SCN10A: variants seen among roughly 807,000 people sequenced by gnomAD.
The protein encoded by SCN10A is sodium voltage-gated channel alpha subunit 10, also known as sodium channel protein type 10 subunit alpha.
Under a neutral mutation model 170.7 loss-of-function variants are expected in SCN10A, and 162 were observed. The observed-to-expected ratio is 0.95, with a 90% CI of 0.84 to 1.08. SCN10A has a LOEUF of 1.08. Ranked by LOEUF, SCN10A falls within the 50% of genes least tolerant of loss-of-function variation. SCN10A has a pLI of 0.00. For synonymous variants in SCN10A, 985 were observed against 904.6 expected, an observed-to-expected ratio of 1.09 and a Z score of -1.59; for missense variants, 2,527 against 2,436.9, an observed-to-expected ratio of 1.04 and a Z score of -0.78.
rs1370845738 is a variant in SCN10A at position 38,709,487 on chromosome 3, C to T, written c.4272G>A (p.Gln1424=). Residue 1424 remains glutamine, a synonymous_variant, in exon 25 of 28, where the codon CAG becomes CAA. Transcript: ENST00000449082. ...CCTGAGCACCACTTATCTTTTTTTT[C>T]TGTTGATTGAAGTTGTCAATTATGA... The part of the protein sequence containing the change: ...VGVIIDNFNQ[Q]KKKLGGQDIF... 7.5e-6 allele frequency: 12 copies of T among 1,602,472 alleles called. No homozygotes were observed. The highest frequency in any genetic ancestry group is 3.5e-5 in the Admixed American group (2 of 56,760).
At position 38,697,823 on chromosome 3, in the gene SCN10A, G is replaced by T; in HGVS notation, c.5397C>A (p.His1799Gln). 1 of 1,614,198 alleles carries T rather than the reference G, an allele frequency of 6.2e-7. No individual in the cohort carries two copies. The highest frequency in any genetic ancestry group is 8.5e-7 in the Non-Finnish European group (1 of 1,180,032). ...DLPLVPGDKI[H>Q]CLDILFAFTK... ...TGAAAGCAAAAAGGATGTCCAAGCA[G>T]TGGATCTTATCTCCAGGGACCAAAG... The change falls in exon 28 of 28, where the codon CAC becomes CAA. Residue 1799 changes from histidine to glutamine, a missense_variant. His to Gln is a conservative substitution (Grantham distance 24). Coordinates refer to ENST00000449082, the MANE Select transcript of SCN10A (RefSeq NM_006514.4).
At position 38,739,542 on chromosome 3, in the gene SCN10A, G is replaced by A. The variant is rs1335768886; in HGVS notation, c.2253C>T (p.Ser751=). 3 of 1,613,942 alleles carry A rather than the reference G, an allele frequency of 1.9e-6. No individual in the cohort carries two copies. Among genetic ancestry groups the A allele is most frequent in the Non-Finnish European group, 2.5e-6 (3 of 1,180,008 alleles). The change falls in exon 15 of 28, where the codon AGC becomes AGT. Residue 751 remains serine (S), a synonymous_variant. Coordinates refer to ENST00000449082, the MANE Select transcript of SCN10A (RefSeq NM_006514.4). ...AGCGGAAGCTCCGCAGCACAGACAG[G>A]CTTCCCTTCTTGGCCACGCCCAGCT... ...LLELGVAKKG[S]LSVLRSFRLL...
intron 1 of SCN10A, among the ~76,000 whole-genome samples, chr3:38,811,211 G>A (rs2064439133): frequency 1.3e-5 from 2 of 152,132 alleles, no homozygotes; most frequent in African/African-American, 2.4e-5. Context: ...CCAGCACTTT[G>A]GGAGGCCAAG....
At chr3:38,812,440 G>C (rs995365052) in intron 1 of SCN10A, among the ~76,000 whole-genome samples, 13 of 152,062 alleles carry the variant, frequency 8.5e-5, no homozygotes, top group African/African-American at 3.1e-4. Context: ...GGTAGTACTG[G>C]TGATTTTTTT....
At chr3:38,752,708 G>C (rs1213442464) in intron 11 of SCN10A, among the ~76,000 whole-genome samples, 196 bp from the exon 12 acceptor site, 1 of 152,200 alleles carries the variant, frequency 6.6e-6, no homozygotes, top group Admixed American at 6.5e-5. Flanking sequence ...ACTCTAGATA[G>C]ACTCCGGGAA....
intron 1 of SCN10A, among the ~76,000 whole-genome samples, chr3:38,807,693 C>A (rs1176209777): frequency 6.6e-6 from 1 of 152,130 alleles, no homozygotes; most frequent in Non-Finnish European, 1.5e-5. Context: ...CCAGTCAAAC[C>A]TCTTTTCTGT....
At chr3:38,756,087 G>T (rs2063801502) in intron 10 of SCN10A, 129 bp from the exon 11 acceptor site, 2 of 979,934 alleles carry the variant, frequency 2.0e-6, no homozygotes, top group Non-Finnish European at 3.1e-6. Context: ...GGACCAGGGT[G>T]GTGGTGGGAT....
intron 1 of SCN10A, among the ~76,000 whole-genome samples, chr3:38,807,758 T>C (rs2064414757): frequency 6.6e-6 from 1 of 152,174 alleles, no homozygotes; most frequent in Admixed American, 6.6e-5. Context: ...TATAAATTGG[T>C]TGCTTCTTTT....
At chr3:38,792,225 A>C in intron 2 of SCN10A, 57 bp from the exon 3 acceptor site, 1 of 1,596,688 alleles carries the variant, frequency 6.3e-7, no homozygotes, top group Non-Finnish European at 8.5e-7. Context: ...TTCCTTATAC[A>C]ACCATGTTTT....
At chr3:38,785,217 C>T (rs996155077) in intron 4 of SCN10A, among the ~76,000 whole-genome samples, 1 of 152,150 alleles carries the variant, frequency 6.6e-6, no homozygotes, top group Non-Finnish European at 1.5e-5. Flanking sequence ...CATCACGCTA[C>T]CTGACTTCAA....
intron 15 of SCN10A, among the ~76,000 whole-genome samples, chr3:38,730,978 G>A (rs886605923): frequency 3.3e-5 from 5 of 152,128 alleles, no homozygotes; most frequent in Non-Finnish European, 7.4e-5. Context: ...GAACTTTCCA[G>A]AATTGAAGAA....
At chr3:38,755,086 T>C (rs2063789246) in intron 11 of SCN10A, among the ~76,000 whole-genome samples, 1 of 152,018 alleles carries the variant, frequency 6.6e-6, no homozygotes, top group African/African-American at 2.4e-5. Flanking sequence ...CTACAGGGTC[T>C]GAGGTGAGGT....
intron 1 of SCN10A, among the ~76,000 whole-genome samples, chr3:38,812,095 C>G (rs1054599523): frequency 7.9e-5 from 12 of 152,230 alleles, no homozygotes; most frequent in African/African-American, 2.7e-4. Flanking sequence ...CTATGACCAT[C>G]CACCAAGGCA....
At chr3:38,788,127 T>C (rs1022762383) in intron 4 of SCN10A, among the ~76,000 whole-genome samples, 2 of 150,036 alleles carry the variant, frequency 1.3e-5, no homozygotes, top group African/African-American at 4.9e-5. Flanking sequence ...TTAGCATCAA[T>C]TAAGAAGACT....
intron 19 of SCN10A, 79 bp from the exon 20 acceptor site, chr3:38,722,491 A>G: frequency 1.3e-6 from 2 of 1,499,066 alleles, no homozygotes; most frequent in Non-Finnish European, 1.8e-6. Context: ...CAGAGAAACC[A>G]TTCTGCTAGG....
At chr3:38,743,249 CCTGGTATT>C (rs138809523) in intron 13 of SCN10A, among the ~76,000 whole-genome samples, 13,847 of 152,190 alleles carry the variant, frequency 0.091, 1,095 homozygotes, top group African/African-American at 0.2. Flanking sequence ...TGCAAGTCCA[CCTGGTATT>C]CTGTCTTCGT....
At chr3:38,788,302 A>C (rs371161866) in intron 4 of SCN10A, among the ~76,000 whole-genome samples, 1 of 151,782 alleles carries the variant, frequency 6.6e-6, no homozygotes, top group South Asian at 2.1e-4. Flanking sequence ...CTGGAGTGGA[A>C]GCATCCCTCC....
intron 1 of SCN10A, among the ~76,000 whole-genome samples, chr3:38,797,531 T>G (rs185545394): frequency 9.8e-5 from 15 of 152,304 alleles, no homozygotes; most frequent in African/African-American, 3.6e-4. Flanking sequence ...AACTTAGAAG[T>G]TCTATGTGTT....
rs751196812 is a variant in SCN10A, at chr3:38,761,331, A to C, written c.744T>G (p.Asp248Glu). Residue 248 changes from aspartate to glutamate, a missense_variant, in exon 7 of 28, where the codon GAT becomes GAG. Transcript: ENST00000449082. ...ALIHSVKKLA[D>E]VTILTIFCLS... The stretch of plus-strand genomic sequence containing the variant: ...GGCAGAAGATGGTGAGGATGGTCAC[A>C]TCAGCCAGTTTCTTCACTGAGTGAA... The C allele has an allele frequency of 6.2e-7, 1 of 1,613,948 alleles. No individual in the cohort carries two copies. Among genetic ancestry groups the C allele is most frequent in the Non-Finnish European group, 8.5e-7 (1 of 1,179,862 alleles).
Sources: gnomAD v4.1 joint callset for allele counts (sites outside exome capture counted in the v4.1 genomes callset) on GRCh38, gnomAD v4.1.1 for gene constraint, MANE v1.5 for transcripts, NCBI Gene and HGNC (gene_info 2026-07-23, HGNC 2026-07-21) for gene names.